Variants in DLGAP2 observed in about 807,000 individuals in gnomAD.
DLGAP2 encodes the protein disks large-associated protein 2.
Under a neutral mutation model 100.3 loss-of-function variants are expected in DLGAP2, and 26 were observed. The observed-to-expected ratio is 0.26, with a 90% CI of 0.19 to 0.36. The LOEUF (loss-of-function observed/expected upper bound fraction) is 0.36. Among genes scored for constraint, DLGAP2 ranks in the 10% least tolerant of loss-of-function variants. The pLI, the probability that DLGAP2 is intolerant of heterozygous loss-of-function variation, is 1.00. For synonymous variants in DLGAP2, 886 were observed against 630.1 expected, an observed-to-expected ratio of 1.41 and a Z score of -6.08; for missense variants, 1,858 against 1,453.2, an observed-to-expected ratio of 1.28 and a Z score of -4.53.
intron 1 of DLGAP2, among the ~76,000 whole-genome samples, chr8:873,488 C>A (rs1585958661): frequency 6.6e-6 from 1 of 152,132 alleles, no homozygotes; most frequent in Non-Finnish European, 1.5e-5. Flanking sequence ...TTTATTAAGT[C>A]AAGGAACTTT....
At position 1,701,166 on chromosome 8, in the gene DLGAP2, G is replaced by A. The variant is rs542703152; in HGVS notation, c.2950-22G>A. On this transcript the variant is annotated intron_variant, in intron 14 of 14. Transcript: ENST00000637795. ...GACCCTCCTCCGAGCACCTGCCAAC[G>A]GTGACTTGCGCTGCTTTTCAGGAAG... The A allele has an allele frequency of 2.4e-5, 37 of 1,549,188 alleles. No individual in the cohort carries two copies. The Admixed American group carries it at 5.2e-4, about 22-fold the overall frequency.
intron 2 of DLGAP2, among the ~76,000 whole-genome samples, chr8:1,063,154 G>C (rs1488877477): frequency 6.6e-6 from 1 of 152,156 alleles, no homozygotes; most frequent in Non-Finnish European, 1.5e-5. Flanking sequence ...AAGAAAAGAG[G>C]GAAGATGTTT....
At chr8:1,382,198 A>G (rs914346329) in intron 3 of DLGAP2, among the ~76,000 whole-genome samples, 10 of 152,218 alleles carry the variant, frequency 6.6e-5, no homozygotes, top group African/African-American at 2.2e-4. Flanking sequence ...TCATACAGTA[A>G]AGTAAGCTAG....
chr8:1,316,379 G>A (rs1166296730), intron 3 of DLGAP2, among the ~76,000 whole-genome samples: 30 of 139,246 alleles, frequency 2.2e-4, no homozygotes, highest in Non-Finnish European at 3.1e-5. Flanking sequence ...GTCTACACTC[G>A]AGAAACTTGG....
intron 2 of DLGAP2, among the ~76,000 whole-genome samples, chr8:1,179,327 A>G (rs1274036091): frequency 1.3e-5 from 2 of 152,236 alleles, no homozygotes; most frequent in African/African-American, 4.8e-5. Flanking sequence ...GCCTGTGCCA[A>G]GGTGGCCAGG....
rs559012091 is a variant in DLGAP2, at chr8:1,437,042, C to T, written c.107-64324C>T. 2.3e-4 allele frequency among the ~76,000 whole-genome samples: 35 copies of T among 150,746 alleles called. No individual in the cohort carries two copies. The South Asian group carries it at 5.9e-3, about 25-fold the overall frequency. On this transcript the variant is annotated intron_variant, in intron 3 of 14. Coordinates refer to ENST00000637795, the MANE Select transcript of DLGAP2 (RefSeq NM_001346810.2). ...TCCGGGTCTGCGTTCAGCCCAGGCG[C>T]GTAAGGGTGACGCCATCCGGGTCTG...
intron 2 of DLGAP2, among the ~76,000 whole-genome samples, chr8:1,164,110 GA>G (rs1796947124): frequency 9.9e-6 from 1 of 101,282 alleles, no homozygotes; most frequent in African/African-American, 3.3e-5. Context: ...ATTTTTCTGT[GA>G]GCCCGCAGGG....
At chr8:1,183,225 G>T (rs1797429709) in intron 2 of DLGAP2, among the ~76,000 whole-genome samples, 1 of 152,204 alleles carries the variant, frequency 6.6e-6, no homozygotes, top group African/African-American at 2.4e-5. Flanking sequence ...TCCTGGCGTG[G>T]AGGGGAGGAG....
intron 4 of DLGAP2, among the ~76,000 whole-genome samples, chr8:1,524,801 ATC>A (rs1800734854): frequency 6.6e-6 from 1 of 152,102 alleles, no homozygotes; most frequent in South Asian, 2.1e-4. Context: ...TTCTGTGAAC[ATC>A]TCAGGTCCTT....
intron 12 of DLGAP2, among the ~76,000 whole-genome samples, chr8:1,689,597 G>A (rs956300361): frequency 1.3e-5 from 2 of 152,130 alleles, no homozygotes; most frequent in African/African-American, 2.4e-5. Flanking sequence ...AGGGTGTGTC[G>A]TGTAGGTTAG....
At chr8:921,707 A>C (rs1458766904) in intron 2 of DLGAP2, among the ~76,000 whole-genome samples, 4 of 152,228 alleles carry the variant, frequency 2.6e-5, no homozygotes, top group Non-Finnish European at 5.9e-5. Flanking sequence ...TCCTCCACCC[A>C]GGTGGCTGCG....
chr8:916,858 T>C (rs1319162919), intron 2 of DLGAP2, among the ~76,000 whole-genome samples: 2 of 152,080 alleles, frequency 1.3e-5, no homozygotes, highest in East Asian at 3.9e-4. Flanking sequence ...AAGCCTGGAG[T>C]TGAGCTCCTA....
chr8:1,520,487 C>A (rs1800556067), intron 4 of DLGAP2, among the ~76,000 whole-genome samples: 1 of 152,170 alleles, frequency 6.6e-6, no homozygotes, highest in Admixed American at 6.5e-5. Flanking sequence ...GCATGGTCCA[C>A]CCTGTGGGTT....
intron 2 of DLGAP2, among the ~76,000 whole-genome samples, chr8:1,158,010 G>A (rs1473507696): frequency 1.3e-5 from 2 of 152,188 alleles, no homozygotes; most frequent in Non-Finnish European, 2.9e-5. Context: ...GGAGAATCCT[G>A]GGCACCAAAG....
At chr8:1,591,532 C>G (rs1796290081) in intron 6 of DLGAP2, among the ~76,000 whole-genome samples, 1 of 127,318 alleles carries the variant, frequency 7.9e-6, no homozygotes, top group South Asian at 2.4e-4. Flanking sequence ...TGCCTAACCC[C>G]CTCCTCCCAC....
intron 1 of DLGAP2, among the ~76,000 whole-genome samples, chr8:810,041 C>T (rs1417985509): frequency 6.6e-6 from 1 of 152,228 alleles, no homozygotes; most frequent in Admixed American, 6.5e-5. Context: ...CAGCAGGGCT[C>T]AGCCCATCAG....
chr8:1,270,251 G>C (rs533619052), intron 3 of DLGAP2, among the ~76,000 whole-genome samples: 2 of 152,278 alleles, frequency 1.3e-5, no homozygotes, highest in South Asian at 4.1e-4. Flanking sequence ...ATACACAGAA[G>C]GGACTTGGAT....
chr8:1,230,207 C>G (rs1798506516), intron 2 of DLGAP2, among the ~76,000 whole-genome samples: 2 of 152,172 alleles, frequency 1.3e-5, no homozygotes, highest in African/African-American at 4.8e-5. Flanking sequence ...AGTAGCATTT[C>G]TAGAAACCAG....
intron 2 of DLGAP2, among the ~76,000 whole-genome samples, chr8:1,164,567 T>C: frequency 6.6e-6 from 1 of 152,072 alleles, no homozygotes; most frequent in Admixed American, 6.5e-5. Context: ...GCCCAAGTAC[T>C]TGTGGGTCAT....
Sources: gnomAD v4.1 joint callset for allele counts (sites outside exome capture counted in the v4.1 genomes callset) on GRCh38, gnomAD v4.1.1 for gene constraint, MANE v1.5 for transcripts, NCBI Gene and HGNC (gene_info 2026-07-23, HGNC 2026-07-21) for gene names.